The following LRRC4C variants were observed in gnomAD, a reference collection of about 807,000 sequenced individuals.
The protein encoded by LRRC4C is leucine-rich repeat-containing protein 4C.
In LRRC4C, 5 loss-of-function variants were observed where a neutral mutation model predicts 33.6. The observed-to-expected ratio is 0.15, with a 90% CI of 0.08 to 0.31. LRRC4C has a LOEUF of 0.31. Ranked by LOEUF, LRRC4C falls within the 10% of genes least tolerant of loss-of-function variation. The probability of loss-of-function intolerance (pLI) is 1.00; values close to 1 mark genes in which losing one functional copy is unlikely to be tolerated. For missense variants in LRRC4C, 560 were observed against 796.7 expected, an observed-to-expected ratio of 0.70 and a Z score of 3.58; for synonymous variants, 329 against 302.0, an observed-to-expected ratio of 1.09 and a Z score of -0.93.
intron 3 of LRRC4C, among the ~76,000 whole-genome samples, chr11:40,369,274 GGGAGCAAT>G (rs1439754277): frequency 6.6e-6 from 1 of 152,138 alleles, no homozygotes; most frequent in Non-Finnish European, 1.5e-5. Flanking sequence ...TCAGCTATCA[GGGAGCAAT>G]GTCTCAATGT....
At chr11:40,492,639 T>C (rs893632007) in intron 3 of LRRC4C, among the ~76,000 whole-genome samples, 1 of 152,104 alleles carries the variant, frequency 6.6e-6, no homozygotes. Flanking sequence ...TATCTTTTCT[T>C]TTAAAAATCT....
chr11:40,555,644 T>A (rs575133144), intron 3 of LRRC4C, among the ~76,000 whole-genome samples: 28 of 152,318 alleles, frequency 1.8e-4, no homozygotes, highest in African/African-American at 6.7e-4. Flanking sequence ...AGAAGAAGAA[T>A]TGTTTTGGAC....
At chr11:40,457,528 G>T (rs886632884) in intron 3 of LRRC4C, among the ~76,000 whole-genome samples, 1 of 152,072 alleles carries the variant, frequency 6.6e-6, no homozygotes, top group African/African-American at 2.4e-5. Flanking sequence ...GCATTTCGCA[G>T]TTCCATTTTT....
At chr11:41,127,830 T>A (rs1187489485) in intron 1 of LRRC4C, among the ~76,000 whole-genome samples, 1 of 152,122 alleles carries the variant, frequency 6.6e-6, no homozygotes, top group Non-Finnish European at 1.5e-5. Context: ...GAGTAGAGGC[T>A]CATAACAAGA....
At chr11:41,383,816 A>G (rs1424105333) in intron 1 of LRRC4C, among the ~76,000 whole-genome samples, 1 of 151,984 alleles carries the variant, frequency 6.6e-6, no homozygotes, top group African/African-American at 2.4e-5. Flanking sequence ...TAGAAAAAAA[A>G]AATTCCAACT....
chr11:40,186,063 A>C (rs774058968), intron 5 of LRRC4C, among the ~76,000 whole-genome samples: 4 of 152,088 alleles, frequency 2.6e-5, no homozygotes, highest in Non-Finnish European at 4.4e-5. Context: ...TTATTTGTTT[A>C]TAAGAGAGCT....
At chr11:40,279,184 T>G (rs1248661801) in intron 4 of LRRC4C, among the ~76,000 whole-genome samples, 1 of 152,204 alleles carries the variant, frequency 6.6e-6, no homozygotes, top group Non-Finnish European at 1.5e-5. Context: ...ATTCTCTTTT[T>G]TGCTTAACCT....
At chr11:40,196,054 A>C (rs552107555) in intron 5 of LRRC4C, among the ~76,000 whole-genome samples, 2 of 152,340 alleles carry the variant, frequency 1.3e-5, no homozygotes, top group South Asian at 4.1e-4. Flanking sequence ...TTTTCCCAGA[A>C]AGACATTTGT....
At chr11:40,542,241 C>G (rs9667449) in intron 3 of LRRC4C, among the ~76,000 whole-genome samples, 1 of 151,798 alleles carries the variant, frequency 6.6e-6, no homozygotes, top group Admixed American at 6.6e-5. Context: ...ATTCTCTGCA[C>G]CCCACCCCAA....
chr11:40,555,164 T>A (rs1169550838), intron 3 of LRRC4C, among the ~76,000 whole-genome samples: 3 of 152,206 alleles, frequency 2.0e-5, no homozygotes, highest in Non-Finnish European at 4.4e-5. Flanking sequence ...GTCTTTAGGA[T>A]TTTTTAGATC....
chr11:40,836,202 T>G (rs1210966068), intron 2 of LRRC4C, among the ~76,000 whole-genome samples: 1 of 152,144 alleles, frequency 6.6e-6, no homozygotes, highest in Non-Finnish European at 1.5e-5. Context: ...AATCTTCTCT[T>G]AAATGTAGAC....
At chr11:40,873,331 A>G (rs956205715) in intron 2 of LRRC4C, among the ~76,000 whole-genome samples, 17 of 152,290 alleles carry the variant, frequency 1.1e-4, no homozygotes, top group Admixed American at 8.5e-4. Flanking sequence ...GCTTGTAACA[A>G]TAGTTTGAGA....
At chr11:41,009,299 C>T (rs564248650) in intron 1 of LRRC4C, among the ~76,000 whole-genome samples, 6 of 151,188 alleles carry the variant, frequency 4.0e-5, no homozygotes, top group South Asian at 4.2e-4. Context: ...GTAAATTTTT[C>T]GAGTATCATT....
At chr11:40,727,929 GC>G (rs953415045) in intron 2 of LRRC4C, among the ~76,000 whole-genome samples, 1 of 152,032 alleles carries the variant, frequency 6.6e-6, no homozygotes, top group African/African-American at 2.4e-5. Flanking sequence ...ATGACATCCA[GC>G]TACTGGGGAG....
At chr11:41,223,522 G>A (rs754442763) in intron 1 of LRRC4C, among the ~76,000 whole-genome samples, 2 of 152,174 alleles carry the variant, frequency 1.3e-5, no homozygotes, top group Non-Finnish European at 2.9e-5. Flanking sequence ...ACTGTGCTAA[G>A]TATGATGGTG....
At chr11:40,910,659 G>T (rs1018827152) in intron 2 of LRRC4C, among the ~76,000 whole-genome samples, 11 of 152,146 alleles carry the variant, frequency 7.2e-5, no homozygotes, top group Non-Finnish European at 1.6e-4. Context: ...TCCAACTGAG[G>T]TACCAGGTTC....
At chr11:41,164,895 A>G (rs983416553) in intron 1 of LRRC4C, among the ~76,000 whole-genome samples, 1 of 152,090 alleles carries the variant, frequency 6.6e-6, no homozygotes, top group African/African-American at 2.4e-5. Context: ...CTTGGATAGA[A>G]TCCAGGGCTC....
chr11:41,122,151 G>C (rs1291489889), intron 1 of LRRC4C, among the ~76,000 whole-genome samples: 3 of 152,136 alleles, frequency 2.0e-5, no homozygotes, highest in Non-Finnish European at 4.4e-5. Context: ...ACGTTGAAGA[G>C]AAATAGCTAG....
intron 1 of LRRC4C, among the ~76,000 whole-genome samples, chr11:41,445,458 A>T (rs760981331): frequency 6.9e-4 from 105 of 152,222 alleles, no homozygotes; most frequent in Middle Eastern, 3.4e-3. Context: ...AGTAGGCTAT[A>T]AAAGGGAGTC....
Sources: gnomAD v4.1 joint callset for allele counts (sites outside exome capture counted in the v4.1 genomes callset) on GRCh38, gnomAD v4.1.1 for gene constraint, MANE v1.5 for transcripts, NCBI Gene and HGNC (gene_info 2026-07-23, HGNC 2026-07-21) for gene names.